VPS37A: variants seen among roughly 807,000 people sequenced by gnomAD.
The protein encoded by VPS37A is VPS37A subunit of ESCRT-I.
In VPS37A, 30 loss-of-function variants were observed where a neutral mutation model predicts 49.8. That is an observed-to-expected ratio of 0.60 (90% CI 0.45 to 0.82). The LOEUF (loss-of-function observed/expected upper bound fraction) is 0.82. Ranked by LOEUF, VPS37A falls within the 40% of genes least tolerant of loss-of-function variation. The probability of loss-of-function intolerance (pLI) is 0.00; values close to 1 mark genes in which losing one functional copy is unlikely to be tolerated. For missense variants in VPS37A, 593 were observed against 464.4 expected (o/e 1.28, Z -2.55); for synonymous variants, 195 against 160.6 (o/e 1.21, Z -1.62).
chr8:17,279,426 A>T (rs1015398718), intron 6 of VPS37A, among the ~76,000 whole-genome samples: 5 of 152,060 alleles, frequency 3.3e-5, no homozygotes, highest in Non-Finnish European at 5.9e-5. Flanking sequence ...TTCTCATGCT[A>T]CCTTGTCTGT....
the VPS37A span, among the ~76,000 whole-genome samples, chr8:17,317,617 G>C: frequency 3.3e-5 from 5 of 152,142 alleles, no homozygotes; most frequent in African/African-American, 9.7e-5. Flanking sequence ...GTGGAAAGAG[G>C]CTTCACTAGG....
chr8:17,326,001 A>T, the VPS37A span, among the ~76,000 whole-genome samples: 3 of 152,314 alleles, frequency 2.0e-5, no homozygotes, highest in African/African-American at 7.2e-5. Flanking sequence ...CCTTTTAATG[A>T]TCATGAATTA....
intron 1 of VPS37A, among the ~76,000 whole-genome samples, chr8:17,251,061 C>T (rs1436530002): frequency 1.3e-5 from 2 of 152,134 alleles, no homozygotes; most frequent in Non-Finnish European, 2.9e-5. Flanking sequence ...ACTTTATGGA[C>T]ACTGTTGGTT....
chr8:17,316,839 G>A, the VPS37A span, among the ~76,000 whole-genome samples: 190 of 152,166 alleles, frequency 1.2e-3, no homozygotes, highest in Middle Eastern at 0.02. Flanking sequence ...ACTTCTGCGT[G>A]TGTGGATTTG....
At position 17,254,338 on chromosome 8, in the gene VPS37A, C is replaced by T. The variant is rs143967272; in HGVS notation, c.125+6969C>T. Among the ~76,000 whole-genome samples, 10 of 152,242 alleles carry T rather than the reference C, an allele frequency of 6.6e-5. No homozygotes were observed. In the East Asian group the frequency reaches 1.9e-3, roughly 29 times the overall value. ...TAACTTCCTGAGGAGTCTCCGCTAG[C>T]TTAGAGGCTGTCTCTGTGTTAATCT... On this transcript the variant is annotated intron_variant, in intron 1 of 11. Transcript: ENST00000324849.
At chr8:17,278,488 ACTAT>A (rs1814737253) in intron 6 of VPS37A, among the ~76,000 whole-genome samples, 1 of 152,074 alleles carries the variant, frequency 6.6e-6, no homozygotes, top group Non-Finnish European at 1.5e-5. Context: ...GAGTTGCTGC[ACTAT>A]CTGTCTCCAA....
the VPS37A span, among the ~76,000 whole-genome samples, chr8:17,322,335 T>G: frequency 6.6e-6 from 1 of 152,182 alleles, no homozygotes; most frequent in South Asian, 2.1e-4. Context: ...CAGAATACTA[T>G]TTACCAATGG....
chr8:17,268,897 G>A lies in VPS37A; in HGVS notation c.357G>A (p.Leu119=). 1 of 1,611,022 alleles carries A rather than the reference G, an allele frequency of 6.2e-7. No homozygotes were observed. ...ATCTTGGAAAAATTATTCAGAGTCT[G>A]TTGGATGAGTTTTGGAAGAATCCTC... ...HSDLGKIIQS[L]LDEFWKNPPV... The change falls in exon 4 of 12, where the codon CTG becomes CTA. Residue 119 remains leucine, a synonymous_variant. Coordinates refer to ENST00000324849, the MANE Select transcript of VPS37A (RefSeq NM_152415.3).
intron 1 of VPS37A, among the ~76,000 whole-genome samples, chr8:17,248,672 TTAAA>T (rs1811685268): frequency 6.6e-6 from 1 of 152,232 alleles, no homozygotes; most frequent in South Asian, 2.1e-4. Flanking sequence ...TAATTTTTAA[TTAAA>T]TAGTCTAGTT....
rs749037443 is a variant in VPS37A at position 17,296,061 on chromosome 8, A to G, written c.*1075A>G. 6.6e-6 allele frequency: 1 copy of G among 152,222 alleles called. No homozygotes were observed. The highest frequency in any genetic ancestry group is 1.5e-5 in the Non-Finnish European group (1 of 68,044). The allele number at this position is 152,222 out of a possible 1,614,324, so 9.4% of individuals were successfully genotyped here. A position where few individuals can be genotyped will look rare whatever the true frequency, so the allele number is the denominator to read the frequency against. On this transcript the variant is annotated 3_prime_UTR_variant, in exon 12 of 12. Transcript: ENST00000324849. ...GGTAAGGTGCCATCTAAATTACAAAACAAACTAATGCATAATTTTGCTTAA... is the reference window on the plus strand; with the variant it reads ...GGTAAGGTGCCATCTAAATTACAAAGCAAACTAATGCATAATTTTGCTTAA...
chr8:17,297,790 A>AAAGTT lies in VPS37A; in HGVS notation c.*2805_*2809dup, dbSNP rs564365501. The stretch of plus-strand genomic sequence containing the variant: ...TCTGAAGAATCTGTGAAAGTACAGT[A>AAAGTT]AAGTTTTAATAAGCAATAAATGTAA... On this transcript the variant is annotated 3_prime_UTR_variant, in exon 12 of 12. Coordinates refer to ENST00000324849, the MANE Select transcript of VPS37A (RefSeq NM_152415.3). 30 of 152,142 alleles carry AAAGTT rather than the reference A, an allele frequency of 2.0e-4. No individual in the cohort carries two copies. In the East Asian group the frequency reaches 2.7e-3, roughly 14 times the overall value. The allele number at this position is 152,142 out of a possible 1,614,324, so 9.4% of individuals were successfully genotyped here.
At chr8:17,283,549 A>G (rs955552769) in intron 9 of VPS37A, among the ~76,000 whole-genome samples, 10 of 152,150 alleles carry the variant, frequency 6.6e-5, no homozygotes, top group African/African-American at 1.4e-4. Flanking sequence ...TAAGGGTCCA[A>G]CTTTTTTCCT....
intron 11 of VPS37A, among the ~76,000 whole-genome samples, chr8:17,287,463 A>G (rs1016127880): frequency 1.3e-5 from 2 of 151,996 alleles, no homozygotes; most frequent in African/African-American, 4.8e-5. Context: ...TCACATGGTC[A>G]AGAGATCGAG....
chr8:17,270,144 T>C (rs1417232278), intron 4 of VPS37A, among the ~76,000 whole-genome samples: 1 of 151,888 alleles, frequency 6.6e-6, no homozygotes, highest in Non-Finnish European at 1.5e-5. Context: ...TCATGAGAAA[T>C]ACACCCCCAT....
downstream of VPS37A, among the ~76,000 whole-genome samples, chr8:17,302,598 T>C (rs1038070612): frequency 1.3e-5 from 2 of 150,910 alleles, no homozygotes; most frequent in Non-Finnish European, 2.9e-5. Context: ...TTTTGAACTT[T>C]GAAATTGTAT....
chr8:17,257,961 C>G (rs922046215), intron 1 of VPS37A, among the ~76,000 whole-genome samples: 1 of 152,108 alleles, frequency 6.6e-6, no homozygotes, highest in African/African-American at 2.4e-5. Flanking sequence ...GTAAATGCCA[C>G]TAATTTTTGT....
chr8:17,256,938 C>T (rs1303519737), intron 1 of VPS37A, among the ~76,000 whole-genome samples: 3 of 152,070 alleles, frequency 2.0e-5, no homozygotes, highest in African/African-American at 7.2e-5. Context: ...TTGATGTAAT[C>T]CCATTTATCT....
chr8:17,282,513 A>T (rs1197900144), intron 9 of VPS37A, among the ~76,000 whole-genome samples: 1 of 152,168 alleles, frequency 6.6e-6, no homozygotes, highest in Non-Finnish European at 1.5e-5. Flanking sequence ...TTGAAAACTC[A>T]GATATATTAA....
chr8:17,299,856 G>T (rs762507906), downstream of VPS37A: 4 of 1,613,456 alleles, frequency 2.5e-6, no homozygotes, highest in Non-Finnish European at 3.4e-6. Context: ...ACTCCAAAGG[G>T]AAACTTCAGG....
Sources: gnomAD v4.1 joint callset for allele counts (sites outside exome capture counted in the v4.1 genomes callset) on GRCh38, gnomAD v4.1.1 for gene constraint, MANE v1.5 for transcripts, NCBI Gene and HGNC (gene_info 2026-07-23, HGNC 2026-07-21) for gene names.